The following PLCL1 variants were observed in gnomAD, a reference collection of about 807,000 sequenced individuals.
PLCL1 encodes the protein phospholipase C like 1 (inactive).
A neutral mutation model predicts 84.4 loss-of-function variants in PLCL1; 41 were observed. The observed-to-expected ratio is 0.49, with a 90% CI of 0.38 to 0.63. The LOEUF (loss-of-function observed/expected upper bound fraction) is 0.63. PLCL1 is among the 30% of genes least tolerant of loss of function. The pLI is 0.00. For synonymous variants in PLCL1, 490 were observed against 488.3 expected, an observed-to-expected ratio of 1.00 and a Z score of -0.05; for missense variants, 1,206 against 1,367.8, an observed-to-expected ratio of 0.88 and a Z score of 1.87.
chr2:197,837,005 G>T (rs192824065), intron 1 of PLCL1, among the ~76,000 whole-genome samples: 3 of 152,156 alleles, frequency 2.0e-5, no homozygotes, highest in African/African-American at 4.8e-5. Flanking sequence ...TGGCTTTATT[G>T]AGCAGATTCT....
intron 1 of PLCL1, among the ~76,000 whole-genome samples, chr2:197,983,999 G>C (rs951036445): frequency 6.6e-6 from 1 of 151,902 alleles, no homozygotes; most frequent in African/African-American, 2.4e-5. Context: ...TGCCTTCAAG[G>C]GAAGCATAAC....
rs1687257104 is a variant in PLCL1 at position 197,852,483 on chromosome 2, C to T, written c.240+47144C>T. On this transcript the variant is annotated intron_variant, in intron 1 of 5. Coordinates refer to ENST00000428675, the MANE Select transcript of PLCL1 (RefSeq NM_006226.4). The stretch of plus-strand genomic sequence containing the variant: ...ATAGGAAGCACTTAATATGCTCATT[C>T]ATTTGCATTTATTGTAGATTAAAGG... 2.6e-5 allele frequency among the ~76,000 whole-genome samples: 4 copies of T among 152,158 alleles called. No individual in the cohort carries two copies. In the South Asian group the frequency reaches 8.3e-4, roughly 32 times the overall value.
intron 1 of PLCL1, among the ~76,000 whole-genome samples, chr2:197,918,467 A>G (rs1011841910): frequency 6.6e-6 from 1 of 152,240 alleles, no homozygotes; most frequent in African/African-American, 2.4e-5. Context: ...TAACTATAAA[A>G]ACATGTACCA....
At chr2:197,862,580 C>T (rs1306834760) in intron 1 of PLCL1, among the ~76,000 whole-genome samples, 1 of 152,122 alleles carries the variant, frequency 6.6e-6, no homozygotes, top group African/African-American at 2.4e-5. Context: ...GTTTTTCTTT[C>T]TCCATGTTTT....
At chr2:197,868,959 A>T (rs1173560451) in intron 1 of PLCL1, among the ~76,000 whole-genome samples, 1 of 152,182 alleles carries the variant, frequency 6.6e-6, no homozygotes, top group Non-Finnish European at 1.5e-5. Flanking sequence ...ACTTAGTGAA[A>T]GAGTGAGTTT....
At chr2:197,957,907 T>C (rs1574968531) in intron 1 of PLCL1, among the ~76,000 whole-genome samples, 1 of 152,092 alleles carries the variant, frequency 6.6e-6, no homozygotes, top group African/African-American at 2.4e-5. Context: ...ATATTTTCCA[T>C]GTTTTAAGTT....
chr2:198,017,305 C>G (rs148466408), intron 1 of PLCL1, among the ~76,000 whole-genome samples: 1 of 152,190 alleles, frequency 6.6e-6, no homozygotes, highest in Non-Finnish European at 1.5e-5. Flanking sequence ...TTATCTTACA[C>G]GATTCAGCCT....
chr2:197,854,940 A>C (rs375443277), intron 1 of PLCL1, among the ~76,000 whole-genome samples: 3 of 152,172 alleles, frequency 2.0e-5, no homozygotes, highest in Non-Finnish European at 2.9e-5. Context: ...ATAAAGACAG[A>C]ATTTTTACAG....
intron 1 of PLCL1, among the ~76,000 whole-genome samples, chr2:197,963,923 T>C (rs1689673640): frequency 6.6e-6 from 1 of 152,058 alleles, no homozygotes; most frequent in Non-Finnish European, 1.5e-5. Context: ...TGTTTCTGGG[T>C]TCTCTATTCT....
chr2:197,934,130 T>C (rs1260162164), intron 1 of PLCL1, among the ~76,000 whole-genome samples: 1 of 152,204 alleles, frequency 6.6e-6, no homozygotes, highest in African/African-American at 2.4e-5. Flanking sequence ...TTAAAATGAT[T>C]GTGTTTATGG....
At chr2:197,927,643 T>C (rs188008195) in intron 1 of PLCL1, among the ~76,000 whole-genome samples, 2 of 152,362 alleles carry the variant, frequency 1.3e-5, no homozygotes, top group Admixed American at 1.3e-4. Context: ...ATGGCTATGC[T>C]GGTTTCCAGA....
intron 1 of PLCL1, among the ~76,000 whole-genome samples, chr2:198,062,103 G>T (rs1422195362): frequency 1.3e-5 from 2 of 152,174 alleles, no homozygotes; most frequent in Admixed American, 6.5e-5. Context: ...TTAGGACATG[G>T]TAAGATTCTG....
intron 1 of PLCL1, among the ~76,000 whole-genome samples, chr2:197,914,957 A>T (rs1230344207): frequency 6.6e-6 from 1 of 152,182 alleles, no homozygotes; most frequent in African/African-American, 2.4e-5. Context: ...TTTCCTCATA[A>T]ATAACCTGGA....
intron 1 of PLCL1, among the ~76,000 whole-genome samples, chr2:197,977,543 G>T (rs1559062460): frequency 1.3e-5 from 2 of 152,092 alleles, no homozygotes; most frequent in East Asian, 1.9e-4. Context: ...CCACCTACTT[G>T]TTTCTTTTTT....
intron 1 of PLCL1, among the ~76,000 whole-genome samples, chr2:197,852,095 A>G (rs1374322407): frequency 6.6e-6 from 1 of 152,194 alleles, no homozygotes; most frequent in Non-Finnish European, 1.5e-5. Context: ...AGCTTTGGCC[A>G]TGTTTTTGAT....
At chr2:198,012,385 A>G (rs935118151) in intron 1 of PLCL1, among the ~76,000 whole-genome samples, 3 of 152,080 alleles carry the variant, frequency 2.0e-5, no homozygotes, top group Non-Finnish European at 4.4e-5. Context: ...TGAGAACTAC[A>G]ATTGAGAAAG....
At chr2:197,961,322 TG>T (rs1371665118) in intron 1 of PLCL1, among the ~76,000 whole-genome samples, 1 of 151,906 alleles carries the variant, frequency 6.6e-6, no homozygotes, top group East Asian at 1.9e-4. Flanking sequence ...GGGAGGTGTA[TG>T]CTTGCCTCTA....
rs184244075 is a variant in PLCL1 at position 198,021,432 on chromosome 2, C to T, written c.241-62326C>T. On this transcript the variant is annotated intron_variant, in intron 1 of 5. Coordinates refer to ENST00000428675, the MANE Select transcript of PLCL1 (RefSeq NM_006226.4). The stretch of plus-strand genomic sequence containing the variant: ...CTGAAGGAGATAGAGACACAAAAAA[C>T]GCTTCAAAAAAATCAATGAATCCAG... Among the ~76,000 whole-genome samples, 708 of 152,092 alleles carry T rather than the reference C, an allele frequency of 4.7e-3. 5 individuals carry two copies. The highest frequency in any genetic ancestry group is 0.016 in the African/African-American group (661 of 41,496).
Position 198,117,576 on chromosome 2 carries a change from G to A in PLCL1, c.3105+13640G>A, listed in dbSNP as rs139461155. On this transcript the variant is annotated intron_variant, in intron 5 of 5. Coordinates refer to ENST00000428675, the MANE Select transcript of PLCL1 (RefSeq NM_006226.4). The stretch of plus-strand genomic sequence containing the variant: ...GTGAAATCATGGATGGTTACACACC[G>A]CTTCCTCATTCCCTTACCTTCCAGA... Among the ~76,000 whole-genome samples the A allele has an allele frequency of 8.0e-3, 1,211 of 151,748 alleles. 4 individuals carry two copies. Among genetic ancestry groups the A allele is most frequent in the Non-Finnish European group, 0.013 (880 of 67,808 alleles).
Sources: gnomAD v4.1 joint callset for allele counts (sites outside exome capture counted in the v4.1 genomes callset) on GRCh38, gnomAD v4.1.1 for gene constraint, MANE v1.5 for transcripts, NCBI Gene and HGNC (gene_info 2026-07-23, HGNC 2026-07-21) for gene names.